Variants in NOSTRIN observed in about 807,000 individuals in gnomAD.
NOSTRIN encodes the protein BM247 homolog.
A neutral mutation model predicts 59.0 loss-of-function variants in NOSTRIN; 63 were observed. The observed-to-expected ratio is 1.07, with a 90% CI of 0.87 to 1.32. The LOEUF (loss-of-function observed/expected upper bound fraction) is 1.32. Ranked by LOEUF, NOSTRIN falls within the 40% of genes most tolerant of loss-of-function variation. The probability of loss-of-function intolerance (pLI) is 0.00; values close to 1 mark genes in which losing one functional copy is unlikely to be tolerated. For synonymous variants in NOSTRIN, 200 were observed against 165.4 expected, an observed-to-expected ratio of 1.21 and a Z score of -1.61; for missense variants, 512 against 473.1, an observed-to-expected ratio of 1.08 and a Z score of -0.76.
intron 15 of NOSTRIN, 122 bp from the exon 16 acceptor site, chr2:168,864,712 A>C: frequency 9.1e-7 from 1 of 1,103,812 alleles, no homozygotes; most frequent in Non-Finnish European, 1.3e-6. Context: ...ATCTGAATCA[A>C]GTGCAGAAAA....
chr2:168,793,332 C>A (rs1277127715), upstream of NOSTRIN, among the ~76,000 whole-genome samples: 1 of 152,142 alleles, frequency 6.6e-6, no homozygotes, highest in Admixed American at 6.5e-5. Context: ...ATTGGCCAGG[C>A]GCCATGGCTC....
chr2:168,832,248 G>A (rs748814356), intron 6 of NOSTRIN, among the ~76,000 whole-genome samples: 1 of 152,102 alleles, frequency 6.6e-6, no homozygotes, highest in Admixed American at 6.6e-5. Flanking sequence ...GAGGAATTAC[G>A]ATCTGGCGTG....
Position 168,835,191 on chromosome 2 carries a change from C to A in NOSTRIN, c.504+866C>A, listed in dbSNP as rs921545462. Among the ~76,000 whole-genome samples, 5 of 152,262 alleles carry A rather than the reference C, an allele frequency of 3.3e-5. No individual in the cohort carries two copies. In the South Asian group the frequency reaches 6.2e-4, roughly 19 times the overall value. ...CAGGCTTCAAGCAATTATCCCACCC[C>A]AGCCTCCCAAGTAGCTGGGACTACA... On this transcript the variant is annotated intron_variant, in intron 7 of 15. Transcript: ENST00000317647.
Position 168,851,373 on chromosome 2 carries a change from A to T in NOSTRIN, c.824A>T (p.Asn275Ile). ...MEETAILSTE[N>I]KSEFLLTDYF... Reference sequence around the variant, plus strand: ...GAAACTGCAATTTTATCTACAGAAAACAAATCTGAGTTCCTGTTAACGGAT... The same window carrying T: ...GAAACTGCAATTTTATCTACAGAAATCAAATCTGAGTTCCTGTTAACGGAT... The change falls in exon 10 of 16, where the codon AAC becomes ATC. Residue 275 changes from asparagine to isoleucine, a missense_variant. Asn to Ile is a moderately radical substitution (Grantham distance 149). Coordinates refer to ENST00000317647, the MANE Select transcript of NOSTRIN (RefSeq NM_001039724.4). The T allele has an allele frequency of 6.2e-7, 1 of 1,612,732 alleles. No individual in the cohort carries two copies. Among genetic ancestry groups the T allele is most frequent in the Non-Finnish European group, 8.5e-7 (1 of 1,179,790 alleles).
chr2:168,836,935 ATAGATGG>A (rs1360894918), intron 7 of NOSTRIN, among the ~76,000 whole-genome samples: 2 of 152,146 alleles, frequency 1.3e-5, no homozygotes, highest in Non-Finnish European at 2.9e-5. Flanking sequence ...ACCAAGTTCC[ATAGATGG>A]AGGTGGCTTC....
chr2:168,794,507 G>A (rs891805052), upstream of NOSTRIN, among the ~76,000 whole-genome samples: 3 of 150,072 alleles, frequency 2.0e-5, no homozygotes, highest in Non-Finnish European at 4.4e-5. Context: ...GCCCGCCACC[G>A]CGCCTGGCTA....
At chr2:168,856,498 T>C in intron 11 of NOSTRIN, 192 bp from the exon 12 acceptor site, 1 of 565,836 alleles carries the variant, frequency 1.8e-6, no homozygotes, top group Non-Finnish European at 3.2e-6. Flanking sequence ...TTGTTTGAAC[T>C]TGGGAGGCAG....
At chr2:168,857,895 T>G (rs1186673803) in intron 12 of NOSTRIN, among the ~76,000 whole-genome samples, 2 of 152,182 alleles carry the variant, frequency 1.3e-5, no homozygotes, top group African/African-American at 4.8e-5. Context: ...GCTGACCTAG[T>G]TTTTAGATAG....
chr2:168,833,848 T>G (rs1487219539), intron 6 of NOSTRIN, among the ~76,000 whole-genome samples: 1 of 152,236 alleles, frequency 6.6e-6, no homozygotes. Context: ...TAAAGAATGA[T>G]GCAGGCAGTC....
chr2:168,800,625 C>T (rs1020385406), upstream of NOSTRIN, among the ~76,000 whole-genome samples: 4 of 152,120 alleles, frequency 2.6e-5, no homozygotes, highest in Non-Finnish European at 5.9e-5. Flanking sequence ...ATCTATAATT[C>T]GTATACAAAG....
intron 2 of NOSTRIN, among the ~76,000 whole-genome samples, chr2:168,819,726 T>C (rs1221788969): frequency 6.6e-6 from 1 of 152,322 alleles, no homozygotes; most frequent in African/African-American, 2.4e-5. Context: ...CTTTGCTTGG[T>C]TGATTTGAAT....
chr2:168,806,370 G>A (rs556565039), intron 1 of NOSTRIN, among the ~76,000 whole-genome samples: 15 of 152,198 alleles, frequency 9.9e-5, no homozygotes, highest in Middle Eastern at 3.4e-3. Context: ...AGAAAGAGCA[G>A]GTGGGCCAAG....
Position 168,856,711 on chromosome 2 carries a change from C to G in NOSTRIN, c.986C>G (p.Thr329Arg). The stretch of plus-strand genomic sequence containing the variant: ...TCAGGCCTGGAACGAATGCTTAAAA[C>G]GTACTCCAGCACCTCCTCCTTCTCT... ...DKEGLERMLK[T>R]YSSTSSFSDA... The change falls in exon 12 of 16, where the codon ACG becomes AGG. Residue 329 changes from threonine to arginine, a missense_variant. Transcript: ENST00000317647. 1 of 1,614,104 alleles carries G rather than the reference C, an allele frequency of 6.2e-7. No homozygotes were observed. The highest frequency in any genetic ancestry group is 8.5e-7 in the Non-Finnish European group (1 of 1,179,982).
exon 2 of NOSTRIN, chr2:168,787,971 G>A (rs1392719504): frequency 6.6e-6 from 1 of 152,040 alleles, no homozygotes; most frequent in East Asian, 1.9e-4. Flanking sequence ...GCCTGCCAAA[G>A]CAGAACCTTG....
At chr2:168,792,033 G>C (rs569827889) in intron 2 of NOSTRIN, among the ~76,000 whole-genome samples, 13 of 152,124 alleles carry the variant, frequency 8.5e-5, no homozygotes, top group Admixed American at 8.5e-4. Context: ...ATTGCTTTTG[G>C]TGTTTTAGAC....
At chr2:168,853,176 A>G (rs1374814833) in intron 10 of NOSTRIN, among the ~76,000 whole-genome samples, 3 of 152,210 alleles carry the variant, frequency 2.0e-5, no homozygotes, top group Non-Finnish European at 4.4e-5. Context: ...TCTGTTGTCT[A>G]AGAGAAAGGA....
upstream of NOSTRIN, among the ~76,000 whole-genome samples, chr2:168,794,416 A>G (rs1260238441): frequency 6.7e-6 from 1 of 149,368 alleles, no homozygotes; most frequent in Non-Finnish European, 1.5e-5. Context: ...CAGTGGCACG[A>G]TCTCAGCTCA....
At chr2:168,857,025 A>C (rs1234089535) in intron 12 of NOSTRIN, among the ~76,000 whole-genome samples, 2 of 152,186 alleles carry the variant, frequency 1.3e-5, no homozygotes, top group African/African-American at 4.8e-5. Context: ...CTCCAAACAG[A>C]GTCGTTCTTT....
chr2:168,830,208 G>A (rs1687286545), intron 5 of NOSTRIN, among the ~76,000 whole-genome samples: 1 of 152,020 alleles, frequency 6.6e-6, no homozygotes, highest in Non-Finnish European at 1.5e-5. Flanking sequence ...CATTTCTTTA[G>A]TATTTACCAT....
Sources: gnomAD v4.1 joint callset for allele counts (sites outside exome capture counted in the v4.1 genomes callset) on GRCh38, gnomAD v4.1.1 for gene constraint, MANE v1.5 for transcripts, NCBI Gene and HGNC (gene_info 2026-07-23, HGNC 2026-07-21) for gene names.